The following ZNF235 variants were observed in gnomAD, a reference collection of about 807,000 sequenced individuals.
The protein encoded by ZNF235 is zfp-93.
Under a neutral mutation model 29.4 loss-of-function variants are expected in ZNF235, and 25 were observed. That is an observed-to-expected ratio of 0.85 (90% CI 0.62 to 1.19). The LOEUF (loss-of-function observed/expected upper bound fraction) is 1.19, where lower values mean the gene tolerates loss of function less well. Ranked by LOEUF, ZNF235 falls within the 50% of genes most tolerant of loss-of-function variation. The pLI is 0.00. For missense variants in ZNF235, 788 were observed against 885.0 expected (o/e 0.89, Z 1.39); for synonymous variants, 300 against 295.3 (o/e 1.02, Z -0.16).
chr19:44,294,987 G>A (rs1156346751), intron 4 of ZNF235, among the ~76,000 whole-genome samples: 1 of 151,992 alleles, frequency 6.6e-6, no homozygotes, highest in African/African-American at 2.4e-5. Context: ...CATACTGAAT[G>A]GGGAAAAGCT....
intron 2 of ZNF235, among the ~76,000 whole-genome samples, chr19:44,302,996 A>ATTTTATTTATATATATT: frequency 7.9e-6 from 1 of 126,904 alleles, no homozygotes; most frequent in Non-Finnish European, 1.6e-5. Context: ...ATATAAATAT[A>ATTTTATTTATATATATT]TACATATATA....
chr19:44,287,078 A>G lies in ZNF235; in HGVS notation c.*140T>C. 1 of 839,780 alleles carries G rather than the reference A, an allele frequency of 1.2e-6. No individual in the cohort carries two copies. The highest frequency in any genetic ancestry group is 1.7e-5 in the African/African-American group (1 of 58,772). The allele number at this position is 839,780 out of a possible 1,614,324, so 52.0% of individuals were successfully genotyped here. On this transcript the variant is annotated 3_prime_UTR_variant, in exon 5 of 5. Coordinates refer to ENST00000291182, the MANE Select transcript of ZNF235 (RefSeq NM_004234.4). ...CATGTCCTAACCAAGTCTAAAACAC[A>G]GCATTTGAGAGACTTCTTTCCTGTC...
rs751279926 is a variant in ZNF235 at position 44,287,872 on chromosome 19, C to T, written c.1563G>A (p.Gly521=). The T allele has an allele frequency of 2.5e-6, 4 of 1,613,302 alleles. No individual in the cohort carries two copies. Among genetic ancestry groups the T allele is most frequent in the Non-Finnish European group, 2.5e-6 (3 of 1,179,860 alleles). The change falls in exon 5 of 5, where the codon GGG becomes GGA. Residue 521 remains glycine (G), a synonymous_variant. Coordinates refer to ENST00000291182, the MANE Select transcript of ZNF235 (RefSeq NM_004234.4). ...AGTATGAACTCTGACTGAAGCCTTT[C>T]CCACACACGTTGCATCGAAATGGTT... ...GEKPFRCNVC[G]KGFSQSSYFQ...
At position 44,291,579 on chromosome 19, in the gene ZNF235, A is replaced by G. The variant is rs1331910085; in HGVS notation, c.239-2383T>C. 2.0e-5 allele frequency among the ~76,000 whole-genome samples: 3 copies of G among 152,172 alleles called. No homozygotes were observed. In the East Asian group the frequency reaches 5.8e-4, roughly 29 times the overall value. ...TACAAATATCAGGATGAGAGGTGAC[A>G]TCACTATAGATCCTGTATATATTAT... On this transcript the variant is annotated intron_variant, in intron 4 of 4. Transcript: ENST00000291182.
chr19:44,289,057 A>T lies in ZNF235; in HGVS notation c.378T>A (p.Ile126=). The change falls in exon 5 of 5, where the codon ATT becomes ATA. Residue 126 remains isoleucine, a synonymous_variant. Transcript: ENST00000291182. ...TGGGGAACTGAGAGCTCTTTCCTTC[A>T]ATATTTATCATGGAGTCTTGACTTC... ...LARSQDSMIN[I]EGKSSQFPKH... 1 of 1,614,066 alleles carries T rather than the reference A, an allele frequency of 6.2e-7. No homozygotes were observed. The highest frequency in any genetic ancestry group is 8.5e-7 in the Non-Finnish European group (1 of 1,179,990).
chr19:44,287,949 A>C lies in ZNF235; in HGVS notation c.1486T>G (p.Phe496Val). The stretch of plus-strand genomic sequence containing the variant: ...CTCTGGAAACTTGAGGCTGAACTAA[A>C]ACCCTTACCACACTCTTCACATTTA... ...PYKCEECGKGFSSASSFQSHQ... is the reference protein window; with the variant it reads ...PYKCEECGKGVSSASSFQSHQ... The change falls in exon 5 of 5, where the codon TTT becomes GTT. Residue 496 changes from phenylalanine (F) to valine (V), a missense_variant. By Grantham distance (50) the Phe-to-Val change is conservative. Transcript: ENST00000291182. The C allele has an allele frequency of 6.2e-7, 1 of 1,613,998 alleles. No homozygotes were observed. Among genetic ancestry groups the C allele is most frequent in the Non-Finnish European group, 8.5e-7 (1 of 1,179,988 alleles).
intron 4 of ZNF235, among the ~76,000 whole-genome samples, chr19:44,296,094 C>T (rs906782129): frequency 5.3e-5 from 8 of 151,912 alleles, no homozygotes; most frequent in Middle Eastern, 3.2e-3. Context: ...GATTATAACA[C>T]GAAGTATAAA....
intron 4 of ZNF235, among the ~76,000 whole-genome samples, chr19:44,296,326 T>G (rs1330016255): frequency 6.6e-6 from 1 of 152,186 alleles, no homozygotes; most frequent in Non-Finnish European, 1.5e-5. Context: ...TTTTTAAGTT[T>G]TCAAAATAAA....
intron 4 of ZNF235, among the ~76,000 whole-genome samples, chr19:44,295,124 T>C (rs1975636931): frequency 2.6e-5 from 4 of 152,010 alleles, no homozygotes; most frequent in Admixed American, 6.6e-5. Context: ...CCAATCTAAA[T>C]TGGAAAAGAG....
chr19:44,289,097 G>A lies in ZNF235; in HGVS notation c.338C>T (p.Ala113Val), dbSNP rs370456639. 32 of 1,613,900 alleles carry A rather than the reference G, an allele frequency of 2.0e-5. No individual in the cohort carries two copies. The highest frequency in any genetic ancestry group is 1.4e-4 in the South Asian group (13 of 91,078). Residue 113 changes from alanine (A) to valine (V), a missense_variant, in exon 5 of 5, where the codon GCG becomes GTG. Ala to Val is a moderately conservative substitution (Grantham distance 64). Transcript: ENST00000291182. ...LSCWQIKRHI[A>V]SKLARSQDSM... ...GTCTTGACTTCTGGCTAATTTGCTC[G>A]CAATGTGTCTCTTGATTTGCCAGCA...
intron 4 of ZNF235, among the ~76,000 whole-genome samples, chr19:44,296,180 C>T (rs1236582333): frequency 6.6e-6 from 1 of 152,130 alleles, no homozygotes; most frequent in Non-Finnish European, 1.5e-5. Flanking sequence ...TAGATAGACA[C>T]TGATAAATCT....
chr19:44,304,744 G>A, intron 1 of ZNF235: 1 of 985,478 alleles, frequency 1.0e-6, no homozygotes, highest in Non-Finnish European at 1.2e-6. Flanking sequence ...GCTGGTAGGT[G>A]CGTGAGGACG....
chr19:44,304,743 T>C, intron 1 of ZNF235: 1 of 985,392 alleles, frequency 1.0e-6, no homozygotes. Flanking sequence ...GGCTGGTAGG[T>C]GCGTGAGGAC....
chr19:44,298,950 C>T (rs1164962638), intron 3 of ZNF235, 47 bp from the exon 4 acceptor site: 4 of 1,431,840 alleles, frequency 2.8e-6, no homozygotes, highest in African/African-American at 1.4e-5. Context: ...GCAAAGAGTA[C>T]TGAAAAAATC....
At chr19:44,289,734 C>A (rs1035592786) in intron 4 of ZNF235, 1 of 152,274 alleles carries the variant, frequency 6.6e-6, no homozygotes, top group Non-Finnish European at 1.5e-5. Flanking sequence ...AAATTGACTT[C>A]TTTGCCTATA....
In ZNF235 at chr19:44,288,680, G is replaced by A; in HGVS notation, c.755C>T (p.Thr252Ile). The A allele has an allele frequency of 6.2e-7, 1 of 1,614,082 alleles. No individual in the cohort carries two copies. Among genetic ancestry groups the A allele is most frequent in the Non-Finnish European group, 8.5e-7 (1 of 1,180,006 alleles). ...CTGTCCTGTGTGAATACTACGCTGG[G>A]TAAGAGGTGATACCTTTAGGGTATC... ...GKDTLKVSPLTQRSIHTGQKT... is the reference protein window; with the variant it reads ...GKDTLKVSPLIQRSIHTGQKT... The change falls in exon 5 of 5, where the codon ACC becomes ATC. Residue 252 changes from threonine to isoleucine, a missense_variant. Transcript: ENST00000291182.
At chr19:44,298,106 G>A (rs1975680059) in intron 4 of ZNF235, among the ~76,000 whole-genome samples, 1 of 152,082 alleles carries the variant, frequency 6.6e-6, no homozygotes, top group Admixed American at 6.5e-5. Context: ...GCAACAGAGT[G>A]AGACCCTATC....
chr19:44,294,097 T>C (rs1356761745), intron 4 of ZNF235, among the ~76,000 whole-genome samples: 2 of 151,572 alleles, frequency 1.3e-5, no homozygotes, highest in Admixed American at 1.3e-4. Context: ...CATGGAACCA[T>C]ACAAAGGATC....
intron 4 of ZNF235, among the ~76,000 whole-genome samples, chr19:44,293,378 A>G (rs913409554): frequency 7.2e-5 from 11 of 152,108 alleles, no homozygotes; most frequent in Non-Finnish European, 1.2e-4. Flanking sequence ...AACAAATAAG[A>G]TAACAATCCT....
Sources: allele counts gnomAD v4.1 joint callset (sites outside exome capture counted in the v4.1 genomes callset), GRCh38; gene constraint gnomAD v4.1.1; transcripts MANE v1.5; gene names NCBI Gene and HGNC (gene_info 2026-07-23, HGNC 2026-07-21).